C1GALT1: variants seen among roughly 807,000 people sequenced by gnomAD.
C1GALT1 encodes core 1 synthase, glycoprotein-N-acetylgalactosamine 3-beta-galactosyltransferase 1.
In C1GALT1, 11 loss-of-function variants were observed where a neutral mutation model predicts 31.0. That is an observed-to-expected ratio of 0.36 (90% CI 0.22 to 0.59). The LOEUF (loss-of-function observed/expected upper bound fraction) is 0.59, where lower values mean the gene tolerates loss of function less well. Among genes scored for constraint, C1GALT1 ranks in the 20% least tolerant of loss-of-function variants. The probability of loss-of-function intolerance (pLI) is 0.79; values close to 1 mark genes in which losing one functional copy is unlikely to be tolerated. For missense variants in C1GALT1, 424 were observed against 425.2 expected (o/e 1.00, Z 0.03); for synonymous variants, 175 against 143.6 (o/e 1.22, Z -1.56).
At chr7:7,223,968 G>A (rs553620788) in intron 1 of C1GALT1, among the ~76,000 whole-genome samples, 34 of 152,052 alleles carry the variant, frequency 2.2e-4, no homozygotes, top group African/African-American at 8.0e-4. Context: ...AGAGTTATTT[G>A]TCCTGAATAT....
intron 2 of C1GALT1, among the ~76,000 whole-genome samples, chr7:7,172,982 T>A (rs1225715429): frequency 2.0e-5 from 3 of 152,196 alleles, no homozygotes; most frequent in Admixed American, 6.5e-5. Flanking sequence ...CTTCCCCTCA[T>A]CTGATTGGAA....
chr7:7,197,354 A>C (rs1024594491), intron 1 of C1GALT1, among the ~76,000 whole-genome samples: 1 of 152,030 alleles, frequency 6.6e-6, no homozygotes, highest in Non-Finnish European at 1.5e-5. Context: ...AAGGTTGTAC[A>C]TGTGTGGTTT....
In C1GALT1 at chr7:7,224,792, G is replaced by A. The variant is rs1583812291; in HGVS notation, c.-17-9511G>A. On this transcript the variant is annotated intron_variant, in intron 1 of 3. Transcript: ENST00000436587. ...TCTTTTTTTTACATTTTAGGTTCAG[G>A]GGTACATATACAGGTTTGTTACAGA... 2.0e-5 allele frequency among the ~76,000 whole-genome samples: 3 copies of A among 152,002 alleles called. No individual in the cohort carries two copies. In the East Asian group the frequency reaches 5.8e-4, roughly 29 times the overall value.
rs137902166 is a variant in C1GALT1, at chr7:7,196,693, G to A, written c.-18+13873G>A. Among the ~76,000 whole-genome samples the A allele has an allele frequency of 2.8e-3, 433 of 152,230 alleles. 1 individual carries two copies. The highest frequency in any genetic ancestry group is 1.0e-2 in the African/African-American group (415 of 41,546). On this transcript the variant is annotated intron_variant, in intron 1 of 3. Coordinates refer to ENST00000436587, the MANE Select transcript of C1GALT1 (RefSeq NM_020156.5). ...ACAATCCCACCAACAGTGTAAAAGC[G>A]TTCCTGTTTCTCCACATCCTCTCCA...
At chr7:7,203,998 T>G (rs1417790004) in intron 1 of C1GALT1, among the ~76,000 whole-genome samples, 1 of 152,102 alleles carries the variant, frequency 6.6e-6, no homozygotes, top group Non-Finnish European at 1.5e-5. Flanking sequence ...TCTACTATCC[T>G]TTGTTGGTTT....
chr7:7,164,458 C>A (rs1481523123), intron 2 of C1GALT1, among the ~76,000 whole-genome samples: 2 of 152,168 alleles, frequency 1.3e-5, no homozygotes, highest in Non-Finnish European at 2.9e-5. Context: ...CAGCTCTCCT[C>A]TTGCTTTACA....
chr7:7,216,579 T>C (rs1410066958), intron 1 of C1GALT1, among the ~76,000 whole-genome samples: 1 of 151,780 alleles, frequency 6.6e-6, no homozygotes, highest in Non-Finnish European at 1.5e-5. Context: ...ATAGATTGCC[T>C]GCTATTACGG....
intron 1 of C1GALT1, among the ~76,000 whole-genome samples, chr7:7,206,277 T>A (rs1781734969): frequency 6.6e-6 from 1 of 152,220 alleles, no homozygotes; most frequent in African/African-American, 2.4e-5. Context: ...GCCTATGTAT[T>A]TACTGTCACT....
rs1350730934 is a variant in C1GALT1 at position 7,231,379 on chromosome 7, C to A, written c.-17-2924C>A. 2.6e-5 allele frequency among the ~76,000 whole-genome samples: 4 copies of A among 151,996 alleles called. No homozygotes were observed. In the East Asian group the frequency reaches 5.8e-4, roughly 22 times the overall value. Reference sequence around the variant, plus strand: ...TACTGTGTCAGTTTCGGAAAATATTCAGTCATTATTTCTTTAAATACCACT... The same window carrying A: ...TACTGTGTCAGTTTCGGAAAATATTAAGTCATTATTTCTTTAAATACCACT... On this transcript the variant is annotated intron_variant, in intron 1 of 3. Transcript: ENST00000436587.
At chr7:7,207,754 G>A (rs944641694) in intron 1 of C1GALT1, among the ~76,000 whole-genome samples, 3 of 149,702 alleles carry the variant, frequency 2.0e-5, no homozygotes, top group African/African-American at 7.3e-5. Flanking sequence ...TGGAAATTAG[G>A]TAGTATCCCT....
chr7:7,215,010 C>T (rs1003186829), intron 1 of C1GALT1, among the ~76,000 whole-genome samples: 4 of 152,186 alleles, frequency 2.6e-5, no homozygotes, highest in South Asian at 2.1e-4. Flanking sequence ...GGTTGACTAA[C>T]TGGATTATCT....
upstream of C1GALT1, among the ~76,000 whole-genome samples, chr7:7,181,618 G>A (rs1396305482): frequency 6.6e-6 from 1 of 152,148 alleles, no homozygotes; most frequent in Non-Finnish European, 1.5e-5. Flanking sequence ...ATTTGTCTCA[G>A]GCATTCTAAG....
intron 1 of C1GALT1, among the ~76,000 whole-genome samples, chr7:7,218,134 A>G (rs537799119): frequency 2.0e-5 from 3 of 152,330 alleles, no homozygotes; most frequent in South Asian, 2.1e-4. Context: ...TGAAACTAAG[A>G]TAACCTTTAA....
chr7:7,219,080 C>T lies in C1GALT1; in HGVS notation c.-17-15223C>T, dbSNP rs553739406. Among the ~76,000 whole-genome samples, 7 of 152,194 alleles carry T rather than the reference C, an allele frequency of 4.6e-5. No individual in the cohort carries two copies. The East Asian group carries it at 7.7e-4, about 17-fold the overall frequency. On this transcript the variant is annotated intron_variant, in intron 1 of 3. Coordinates refer to ENST00000436587, the MANE Select transcript of C1GALT1 (RefSeq NM_020156.5). ...TCTCGATCTCCTGACCTTCGTGATC[C>T]GCCCGCCTCGGCCTCCCAAAGTGCT...
intron 1 of C1GALT1, among the ~76,000 whole-genome samples, chr7:7,199,293 G>T (rs887783473): frequency 6.6e-6 from 1 of 152,166 alleles, no homozygotes; most frequent in Non-Finnish European, 1.5e-5. Flanking sequence ...ATTTTGTTAT[G>T]TACCTGATAG....
intron 1 of C1GALT1, among the ~76,000 whole-genome samples, chr7:7,232,168 A>G (rs1348158757): frequency 6.6e-6 from 1 of 152,138 alleles, no homozygotes; most frequent in African/African-American, 2.4e-5. Flanking sequence ...TGGCCCTACT[A>G]ATTCTCACTG....
At chr7:7,201,581 A>T (rs1781532450) in intron 1 of C1GALT1, among the ~76,000 whole-genome samples, 1 of 152,170 alleles carries the variant, frequency 6.6e-6, no homozygotes, top group African/African-American at 2.4e-5. Flanking sequence ...CCTTTTGATC[A>T]TACTGGTGAC....
At chr7:7,222,963 C>T (rs1170575660) in intron 1 of C1GALT1, among the ~76,000 whole-genome samples, 3 of 151,590 alleles carry the variant, frequency 2.0e-5, no homozygotes, top group African/African-American at 7.3e-5. Context: ...AAAAAAAAGT[C>T]AACTGAGTTA....
intron 3 of C1GALT1, among the ~76,000 whole-genome samples, chr7:7,242,000 C>G (rs1783650419): frequency 6.6e-6 from 1 of 151,916 alleles, no homozygotes; most frequent in Non-Finnish European, 1.5e-5. Flanking sequence ...TATTACTGGT[C>G]TAGTCCTTAA....
Sources: gnomAD v4.1 joint callset for allele counts (sites outside exome capture counted in the v4.1 genomes callset) on GRCh38, gnomAD v4.1.1 for gene constraint, MANE v1.5 for transcripts, NCBI Gene and HGNC (gene_info 2026-07-23, HGNC 2026-07-21) for gene names.